Variants in USP24 observed in about 807,000 individuals in gnomAD.
The protein encoded by USP24 is ubiquitin carboxyl-terminal hydrolase 24.
Under a neutral mutation model 361.6 loss-of-function variants are expected in USP24, and 97 were observed. The observed-to-expected ratio is 0.27, with a 90% CI of 0.23 to 0.32. The LOEUF (loss-of-function observed/expected upper bound fraction) is 0.32. Ranked by LOEUF, USP24 falls within the 10% of genes least tolerant of loss-of-function variation. USP24 has a pLI of 1.00. For missense variants in USP24, 2,353 were observed against 3,165.6 expected (o/e 0.74, Z 6.16); for synonymous variants, 1,098 against 1,124.6 (o/e 0.98, Z 0.47).
At chr1:55,119,713 A>T (rs1051331597) in intron 38 of USP24, among the ~76,000 whole-genome samples, 1 of 151,922 alleles carries the variant, frequency 6.6e-6, no homozygotes, top group Middle Eastern at 3.2e-3. Context: ...AGATATATAT[A>T]TCTCAAATTA....
chr1:55,177,704 G>A (rs1356931122), intron 2 of USP24, among the ~76,000 whole-genome samples: 1 of 151,974 alleles, frequency 6.6e-6, no homozygotes, highest in Non-Finnish European at 1.5e-5. Flanking sequence ...TTAATTTAAA[G>A]TACTCCAAGC....
chr1:55,108,851 G>A (rs1436315098), intron 39 of USP24, among the ~76,000 whole-genome samples: 1 of 152,194 alleles, frequency 6.6e-6, no homozygotes. Context: ...ATGTGAGACT[G>A]TTAGATGGAC....
rs1557629567 is a variant in USP24, at chr1:55,144,177, CA to C, written c.2388del (p.Phe796LeufsTer4). On this transcript the variant is annotated frameshift_variant, in exon 21 of 68. Transcript: ENST00000294383. LOFTEE classifies it high-confidence loss of function. ...MNGFNLFKTF[F>X]ENVNLCDHRL... ...CGATGATCACAAAGATTCACATTTT[CA>C]AAAAAAGTTTTAAATAAGTTAAAAC... 1.2e-6 allele frequency: 2 copies of C among 1,603,628 alleles called. No individual in the cohort carries two copies. The highest frequency in any genetic ancestry group is 1.7e-6 in the Non-Finnish European group (2 of 1,175,736).
chr1:55,207,933 T>C (rs964287456), intron 1 of USP24, among the ~76,000 whole-genome samples: 9 of 152,224 alleles, frequency 5.9e-5, no homozygotes, highest in African/African-American at 1.4e-4. Flanking sequence ...GAAGCCCTGG[T>C]GAGTACCTAA....
chr1:55,206,587 T>C (rs916821051), intron 1 of USP24, among the ~76,000 whole-genome samples: 14 of 151,366 alleles, frequency 9.2e-5, no homozygotes, highest in African/African-American at 1.7e-4. Context: ...TTTACCAAGA[T>C]TATTCCACAA....
At position 55,136,424 on chromosome 1, in the gene USP24, C is replaced by T. The variant is rs117474278; in HGVS notation, c.3201+1091G>A. Among the ~76,000 whole-genome samples, 346 of 152,194 alleles carry T rather than the reference C, an allele frequency of 2.3e-3. 10 individuals are homozygous for T. In the East Asian group the frequency reaches 0.049, roughly 22 times the overall value. On this transcript the variant is annotated intron_variant, in intron 28 of 67. Transcript: ENST00000294383. ...TATTCTGAGTGAGACAGGAGCCACT[C>T]GGGCCGAGTGGTACAATCTGACTTA...
intron 15 of USP24, 47 bp downstream of exon 15, chr1:55,154,072 G>C (rs757183181): frequency 1.9e-6 from 3 of 1,610,194 alleles, no homozygotes; most frequent in Non-Finnish European, 8.5e-7. Context: ...ATTACTCAGG[G>C]AATACTGTTG....
At chr1:55,178,835 G>C (rs1175031160) in intron 1 of USP24, among the ~76,000 whole-genome samples, 1 of 152,090 alleles carries the variant, frequency 6.6e-6, no homozygotes, top group African/African-American at 2.4e-5. Context: ...AGACCAGCCT[G>C]AGCAACAGAG....
At chr1:55,213,216 C>T (rs1473719414) in intron 1 of USP24, among the ~76,000 whole-genome samples, 1 of 152,160 alleles carries the variant, frequency 6.6e-6, no homozygotes, top group East Asian at 1.9e-4. Flanking sequence ...CAATGAGAAG[C>T]TGATTTCTTA....
Position 55,134,378 on chromosome 1 carries a change from T to C in USP24, c.3237A>G (p.Val1079=), listed in dbSNP as rs1646675679. ...GATAAAGCATGTCAAATACGTTACA[T>C]ACGAGAGCCATCACTACACCAGGGA... ...KSLPGVVMAL[V]CNVFDMLYQL... Residue 1079 remains valine (V), a synonymous_variant, in exon 29 of 68, where the codon GTA becomes GTG. Coordinates refer to ENST00000294383, the MANE Select transcript of USP24 (RefSeq NM_015306.3). 4 of 1,612,704 alleles carry C rather than the reference T, an allele frequency of 2.5e-6. No homozygotes were observed. The highest frequency in any genetic ancestry group is 1.7e-5 in the Admixed American group (1 of 59,878).
chr1:55,214,950 G>A lies in USP24; in HGVS notation c.164C>T (p.Pro55Leu), dbSNP rs1228653874. Residue 55 changes from proline to leucine, a missense_variant, in exon 1 of 68, where the codon CCC (proline) becomes CTC (leucine). By Grantham distance (98) the Pro-to-Leu change is moderately conservative. Coordinates refer to ENST00000294383, the MANE Select transcript of USP24 (RefSeq NM_015306.3). ...GCTGGGGCCACCGCCGCTGTCCATG[G>A]GCTCGTAGCCGCCGTAGTCGAGGCC... ...RPGLDYGGYE[P>L]MDSGGGPSPG... 2 of 1,419,690 alleles carry A rather than the reference G, an allele frequency of 1.4e-6. No homozygotes were observed. The highest frequency in any genetic ancestry group is 9.3e-7 in the Non-Finnish European group (1 of 1,080,716). The allele number at this position is 1,419,690 out of a possible 1,614,324, so 87.9% of individuals were successfully genotyped here.
At chr1:55,111,450 G>C (rs1645950873) in intron 38 of USP24, among the ~76,000 whole-genome samples, 1 of 151,948 alleles carries the variant, frequency 6.6e-6, no homozygotes, top group Non-Finnish European at 1.5e-5. Flanking sequence ...AAGCACAATA[G>C]CTTTAACTTC....
intron 58 of USP24, among the ~76,000 whole-genome samples, chr1:55,082,794 T>C (rs1645176939): frequency 6.6e-6 from 1 of 152,168 alleles, no homozygotes; most frequent in Non-Finnish European, 1.5e-5. Flanking sequence ...AGTGAGACCT[T>C]GTCTCAAACA....
chr1:55,145,264 A>C (rs1219501141), intron 20 of USP24, among the ~76,000 whole-genome samples: 2 of 152,236 alleles, frequency 1.3e-5, no homozygotes, highest in Admixed American at 1.3e-4. Flanking sequence ...CAAAATGTCC[A>C]TTAGTTCAAG....
intron 58 of USP24, among the ~76,000 whole-genome samples, chr1:55,082,865 C>T (rs1252754586): frequency 1.3e-5 from 2 of 152,162 alleles, no homozygotes. Context: ...ATTATATCTG[C>T]ACTATCATTC....
intron 1 of USP24, among the ~76,000 whole-genome samples, chr1:55,182,468 G>T (rs559309325): frequency 2.0e-5 from 3 of 152,176 alleles, no homozygotes; most frequent in Non-Finnish European, 4.4e-5. Flanking sequence ...GGCTGATTCT[G>T]AGGTGGGTGT....
At chr1:55,179,132 A>G (rs571133342) in intron 1 of USP24, among the ~76,000 whole-genome samples, 16 of 152,076 alleles carry the variant, frequency 1.1e-4, no homozygotes, top group Non-Finnish European at 1.8e-4. Flanking sequence ...ATTTCACTAA[A>G]TCCAATTAAG....
At chr1:55,074,661 A>C (rs1570337306) in intron 63 of USP24, among the ~76,000 whole-genome samples, 1 of 150,148 alleles carries the variant, frequency 6.7e-6, no homozygotes, top group African/African-American at 2.4e-5. Flanking sequence ...TAAATAAATA[A>C]ATAAATAAAT....
At chr1:55,144,102 C>A (rs1044167386) in intron 21 of USP24, 25 bp downstream of exon 21, 1 of 1,563,540 alleles carries the variant, frequency 6.4e-7, no homozygotes, top group African/African-American at 1.4e-5. Flanking sequence ...TCCAAACTAT[C>A]TAGATTTGAG....
Sources: allele counts gnomAD v4.1 joint callset (sites outside exome capture counted in the v4.1 genomes callset), GRCh38; gene constraint gnomAD v4.1.1; transcripts MANE v1.5; gene names NCBI Gene and HGNC (gene_info 2026-07-23, HGNC 2026-07-21).